POU2F1: variants seen among roughly 807,000 people sequenced by gnomAD.
POU2F1 encodes the protein POU domain, class 2, transcription factor 1.
A neutral mutation model predicts 84.9 loss-of-function variants in POU2F1; 16 were observed. The ratio of observed to expected loss-of-function variants is 0.19; its 90% confidence interval spans 0.13 to 0.29. The LOEUF is 0.29. Among genes scored for constraint, POU2F1 ranks in the 10% least tolerant of loss-of-function variants. The probability of loss-of-function intolerance (pLI) is 1.00; values close to 1 mark genes in which losing one functional copy is unlikely to be tolerated. For synonymous variants in POU2F1, 368 were observed against 368.3 expected, an observed-to-expected ratio of 1.00 and a Z score of 0.01; for missense variants, 738 against 942.6, an observed-to-expected ratio of 0.78 and a Z score of 2.84.
intron 1 of POU2F1, among the ~76,000 whole-genome samples, chr1:167,295,798 CCTT>C (rs1654252721): frequency 6.6e-6 from 1 of 152,102 alleles, no homozygotes; most frequent in Non-Finnish European, 1.5e-5. Flanking sequence ...CCATAGAAGG[CCTT>C]CTTCTATACC....
Position 167,399,382 on chromosome 1 carries a change from G to C in POU2F1, c.1449+17G>C. ...ACTTCACTGGTAAGAATAAAAAATA[G>C]GGAGTGCAAGCTCAAGGGCTAATTT... On this transcript the variant is annotated intron_variant, in intron 12 of 15. Coordinates refer to ENST00000367866, the MANE Select transcript of POU2F1 (RefSeq NM_002697.4). 6.3e-7 allele frequency: 1 copy of C among 1,594,678 alleles called. No individual in the cohort carries two copies. Among genetic ancestry groups the C allele is most frequent in the East Asian group, 2.2e-5 (1 of 44,546 alleles).
At chr1:167,230,155 A>G (rs908458404) in intron 1 of POU2F1, among the ~76,000 whole-genome samples, 1 of 152,176 alleles carries the variant, frequency 6.6e-6, no homozygotes, top group Non-Finnish European at 1.5e-5. Flanking sequence ...CACCAATCCC[A>G]GTTTGAGACA....
rs1295845574 is a variant in POU2F1, at chr1:167,419,882, GAAGAT to G, written c.*4078_*4082del. ...ATAAGTCTTTTTTGTTTAAAAAAGG[GAAGAT>G]AAGATTAAAGATTCTTAGTGAGATC... On this transcript the variant is annotated 3_prime_UTR_variant, in exon 16 of 16. Transcript: ENST00000367866. 3.9e-5 allele frequency: 6 copies of G among 152,256 alleles called. No homozygotes were observed. The highest frequency in any genetic ancestry group is 1.2e-4 in the African/African-American group (5 of 41,554). The allele number at this position is 152,256 out of a possible 1,614,324, so 9.4% of individuals were successfully genotyped here.
intron 1 of POU2F1, among the ~76,000 whole-genome samples, chr1:167,240,931 T>A (rs1649853527): frequency 6.6e-6 from 1 of 152,046 alleles, no homozygotes; most frequent in Non-Finnish European, 1.5e-5. Context: ...TTACCTGAGG[T>A]TGGGAGTTCG....
intron 1 of POU2F1, among the ~76,000 whole-genome samples, chr1:167,269,125 AT>A (rs1178297805): frequency 6.6e-6 from 1 of 152,102 alleles, no homozygotes; most frequent in Non-Finnish European, 1.5e-5. Context: ...ATTACTTTTC[AT>A]TGGGATTGAA....
intron 1 of POU2F1, among the ~76,000 whole-genome samples, chr1:167,327,064 A>G (rs966978721): frequency 6.6e-6 from 1 of 152,188 alleles, no homozygotes; most frequent in South Asian, 2.1e-4. Flanking sequence ...GTATAATCCA[A>G]CATATTCTAC....
intron 1 of POU2F1, among the ~76,000 whole-genome samples, chr1:167,306,655 C>G (rs567139709): frequency 1.3e-5 from 2 of 152,242 alleles, no homozygotes; most frequent in Admixed American, 1.3e-4. Context: ...GTTCTGGAGG[C>G]TAGAAGTCCA....
At chr1:167,384,111 C>T (rs536069449) in intron 8 of POU2F1, among the ~76,000 whole-genome samples, 160 bp downstream of exon 8, 1 of 152,248 alleles carries the variant, frequency 6.6e-6, no homozygotes, top group East Asian at 1.9e-4. Flanking sequence ...GCTACCAAAT[C>T]AATATAGTCT....
At chr1:167,232,203 C>G (rs962143986) in intron 1 of POU2F1, among the ~76,000 whole-genome samples, 1 of 152,212 alleles carries the variant, frequency 6.6e-6, no homozygotes, top group African/African-American at 2.4e-5. Context: ...CCACACAGTT[C>G]ATACCCATTT....
chr1:167,245,112 CT>C (rs533891222), intron 1 of POU2F1, among the ~76,000 whole-genome samples: 2 of 151,882 alleles, frequency 1.3e-5, no homozygotes, highest in Non-Finnish European at 2.9e-5. Context: ...TTCAGTGAAA[CT>C]TTTTTTTAAA....
At chr1:167,224,907 C>T (rs1326660553) in intron 1 of POU2F1, among the ~76,000 whole-genome samples, 2 of 150,274 alleles carry the variant, frequency 1.3e-5, no homozygotes, top group Non-Finnish European at 2.9e-5. Flanking sequence ...CGGCTCACTG[C>T]AACCTCTGCC....
intron 1 of POU2F1, among the ~76,000 whole-genome samples, chr1:167,282,585 C>T (rs537279101): frequency 1.3e-5 from 2 of 152,214 alleles, no homozygotes; most frequent in Admixed American, 1.3e-4. Flanking sequence ...AGCCTCTTCT[C>T]CTGTCACTTT....
chr1:167,250,799 T>C (rs1171936599), intron 1 of POU2F1, among the ~76,000 whole-genome samples: 3 of 152,362 alleles, frequency 2.0e-5, no homozygotes, highest in Admixed American at 2.0e-4. Flanking sequence ...AGCACTGTTT[T>C]TAAAAATGGA....
rs774026079 is a variant in POU2F1, at chr1:167,411,985, A to C, written c.1582A>C (p.Thr528Pro). The C allele has an allele frequency of 5.0e-6, 8 of 1,613,492 alleles. No individual in the cohort carries two copies. The South Asian group carries it at 8.8e-5, about 18-fold the overall frequency. Residue 528 changes from threonine to proline, a missense_variant, in exon 14 of 16, where the codon ACA (threonine) becomes CCA (proline). By Grantham distance (38) the Thr-to-Pro change is conservative. Around this residue, in one of 4 missense-constraint regions of POU2F1, gnomAD observed 319 missense variants for 386.0 expected, o/e 0.83. Transcript: ENST00000367866. ...TGTSDTTSNNTATVISTAPPA... is the reference protein window; with the variant it reads ...TGTSDTTSNNPATVISTAPPA... ...CACTTCAGACACCACCTCCAACAACACAGCAACCGTGATTTCCACAGCGCC... is the reference window on the plus strand; with the variant it reads ...CACTTCAGACACCACCTCCAACAACCCAGCAACCGTGATTTCCACAGCGCC...
At chr1:167,398,192 T>C (rs889528635) in intron 11 of POU2F1, 59 bp downstream of exon 11, 17 of 1,552,476 alleles carry the variant, frequency 1.1e-5, no homozygotes, top group Non-Finnish European at 1.4e-5. Flanking sequence ...TTAACATTAG[T>C]ACTTAGTAGA....
At chr1:167,394,172 A>G (rs1648635906) in intron 9 of POU2F1, among the ~76,000 whole-genome samples, 1 of 151,870 alleles carries the variant, frequency 6.6e-6, no homozygotes, top group Admixed American at 6.6e-5. Flanking sequence ...GGGGTGTGCC[A>G]CCACACCCAA....
intron 2 of POU2F1, among the ~76,000 whole-genome samples, chr1:167,349,323 C>G (rs1658404851): frequency 6.6e-6 from 1 of 152,086 alleles, no homozygotes; most frequent in Non-Finnish European, 1.5e-5. Context: ...TTTATACTTT[C>G]CACATTGTAT....
chr1:167,337,298 C>T (rs1657535951), intron 2 of POU2F1, among the ~76,000 whole-genome samples: 2 of 151,748 alleles, frequency 1.3e-5, no homozygotes, highest in Admixed American at 1.3e-4. Flanking sequence ...TGCACTCCAG[C>T]CTGGGTGACA....
At position 167,376,139 on chromosome 1, in the gene POU2F1, G is replaced by T; in HGVS notation, c.702G>T (p.Thr234=). 6.2e-7 allele frequency: 1 copy of T among 1,614,154 alleles called. No homozygotes were observed. Among genetic ancestry groups the T allele is most frequent in the Non-Finnish European group, 8.5e-7 (1 of 1,180,020 alleles). The change falls in exon 7 of 16, where the codon ACG becomes ACT. Residue 234 remains threonine, a synonymous_variant. Transcript: ENST00000367866. Reference sequence around the variant, plus strand: ...CAGCGCAGTTTATCATCTCACAGACGCCCCAGGGCCAGCAGGGTGAGCTCC... The same window carrying T: ...CAGCGCAGTTTATCATCTCACAGACTCCCCAGGGCCAGCAGGGTGAGCTCC... ...LQPAQFIISQ[T]PQGQQGLLQA...
Sources: allele counts gnomAD v4.1 joint callset (sites outside exome capture counted in the v4.1 genomes callset), GRCh38; gene constraint gnomAD v4.1.1; regional missense constraint gnomAD v4.1.1; transcripts MANE v1.5; gene names NCBI Gene and HGNC (gene_info 2026-07-23, HGNC 2026-07-21).